CEP78: variants seen among roughly 807,000 people sequenced by gnomAD.
CEP78 encodes centrosomal protein of 78 kDa.
CEP78 carries 76 observed loss-of-function variants against 81.2 expected under a neutral mutation model. The observed-to-expected ratio is 0.94, with a 90% CI of 0.78 to 1.13. CEP78 has a LOEUF of 1.13. Ranked by LOEUF, CEP78 falls within the 50% of genes most tolerant of loss-of-function variation. CEP78 has a pLI of 0.00. For synonymous variants in CEP78, 293 were observed against 301.4 expected, an observed-to-expected ratio of 0.97 and a Z score of 0.29; for missense variants, 918 against 846.8, an observed-to-expected ratio of 1.08 and a Z score of -1.04.
At chr9:78,248,441 A>G in intron 7 of CEP78, 86 bp downstream of exon 7, 1 of 870,000 alleles carries the variant, frequency 1.1e-6, no homozygotes, top group Non-Finnish European at 1.9e-6. Context: ...GCCTGGCCTC[A>G]AACTTCTGAG....
intron 16 of CEP78, among the ~76,000 whole-genome samples, chr9:78,268,680 C>CTT (rs1221969870): frequency 0.036 from 4,637 of 130,420 alleles, 121 homozygotes; most frequent in Admixed American, 0.096. Flanking sequence ...GGTTTCTTTT[C>CTT]TTTTTTTTTT....
In CEP78 at chr9:78,236,477, C is replaced by T. The variant is rs536688125; in HGVS notation, c.127C>T (p.Leu43=). The T allele has an allele frequency of 1.2e-6, 2 of 1,607,304 alleles. No individual in the cohort carries two copies. Among genetic ancestry groups the T allele is most frequent in the African/African-American group, 2.7e-5 (2 of 74,960 alleles). Residue 43 remains leucine (L), a synonymous_variant, in exon 1 of 17, where the codon CTG becomes TTG. Transcript: ENST00000643273. ...AVRACLREGV[L]DFNADRLRGV... ...GCGCGCCTGTCTCCGGGAGGGCGTGCTGGATTTCAACGCCGACCGCCTCCG... is the reference window on the plus strand; with the variant it reads ...GCGCGCCTGTCTCCGGGAGGGCGTGTTGGATTTCAACGCCGACCGCCTCCG...
chr9:78,238,883 A>G (rs527291499), intron 1 of CEP78, among the ~76,000 whole-genome samples: 31 of 151,912 alleles, frequency 2.0e-4, no homozygotes, highest in Admixed American at 8.5e-4. Context: ...AGTAAAAAAT[A>G]TTAGCTGGGC....
intron 1 of CEP78, among the ~76,000 whole-genome samples, chr9:78,238,425 A>G (rs1191254012): frequency 6.6e-6 from 1 of 152,188 alleles, no homozygotes. Context: ...ATTTGAAGGC[A>G]TGGGAGGGAC....
chr9:78,266,175 A>G (rs538595760), intron 15 of CEP78, among the ~76,000 whole-genome samples: 2 of 152,204 alleles, frequency 1.3e-5, no homozygotes, highest in East Asian at 3.9e-4. Context: ...GAAAGATACT[A>G]ATTTTCTTAT....
Position 78,264,331 on chromosome 9 carries a change from C to G in CEP78, c.1625+15C>G. ...AAAGATGCTGGGTTAGTTACTTTCTCCCTATGACATTCGTCCCTCCATGAC... is the reference window on the plus strand; with the variant it reads ...AAAGATGCTGGGTTAGTTACTTTCTGCCTATGACATTCGTCCCTCCATGAC... On this transcript the variant is annotated intron_variant, in intron 13 of 16. Transcript: ENST00000643273. The G allele has an allele frequency of 6.2e-7, 1 of 1,610,542 alleles. No homozygotes were observed. Among genetic ancestry groups the G allele is most frequent in the Non-Finnish European group, 8.5e-7 (1 of 1,177,780 alleles).
intron 16 of CEP78, chr9:78,266,931 C>T: frequency 1.4e-6 from 2 of 1,425,432 alleles, no homozygotes; most frequent in South Asian, 3.2e-5. Context: ...TCCACTAGAA[C>T]ATTCTGAAAG....
At chr9:78,258,926 C>T (rs72743770) in intron 11 of CEP78, among the ~76,000 whole-genome samples, 5,334 of 152,180 alleles carry the variant, frequency 0.035, 223 homozygotes, top group Admixed American at 0.13. Flanking sequence ...AGTGAGCACA[C>T]CTACTTTGGA....
intron 6 of CEP78, among the ~76,000 whole-genome samples, chr9:78,247,112 C>A (rs1826527203): frequency 6.6e-6 from 1 of 152,216 alleles, no homozygotes; most frequent in Admixed American, 6.5e-5. Context: ...ATACTTCTAT[C>A]TGCTAGATAC....
chr9:78,247,755 A>C (rs1407257144), intron 6 of CEP78, among the ~76,000 whole-genome samples: 2 of 152,326 alleles, frequency 1.3e-5, no homozygotes, highest in Non-Finnish European at 2.9e-5. Context: ...GGCTTCACTT[A>C]GGGTGGAAGG....
At chr9:78,260,856 G>T (rs1037655814) in intron 11 of CEP78, among the ~76,000 whole-genome samples, 5 of 152,072 alleles carry the variant, frequency 3.3e-5, no homozygotes, top group Non-Finnish European at 5.9e-5. Flanking sequence ...CCAAATCCAT[G>T]CAGGCATGCT....
At chr9:78,262,425 C>T (rs1827316774) in intron 11 of CEP78, among the ~76,000 whole-genome samples, 1 of 152,232 alleles carries the variant, frequency 6.6e-6, no homozygotes, top group South Asian at 2.1e-4. Context: ...CCTCAACACT[C>T]TGGAGGAATT....
chr9:78,254,975 A>G lies in CEP78; in HGVS notation c.1380+11A>G, dbSNP rs751472187. The G allele has an allele frequency of 1.2e-6, 2 of 1,601,652 alleles. No homozygotes were observed. The highest frequency in any genetic ancestry group is 1.7e-6 in the Non-Finnish European group (2 of 1,172,924). ...CAAGAAGCATTACAGGTACAAAGCT[A>G]TCACTTTAAAGATATGGAGAAGATC... On this transcript the variant is annotated intron_variant, in intron 11 of 16. Coordinates refer to ENST00000643273, the MANE Select transcript of CEP78 (RefSeq NM_001330691.3).
intron 11 of CEP78, among the ~76,000 whole-genome samples, chr9:78,260,527 G>A (rs1827225432): frequency 6.6e-6 from 1 of 151,960 alleles, no homozygotes; most frequent in Admixed American, 6.6e-5. Flanking sequence ...CTAACATGGT[G>A]AAACCCTGTC....
rs1827564244 is a variant in CEP78 at position 78,266,815 on chromosome 9, T to C, written c.2107+112T>C. 40 of 1,495,352 alleles carry C rather than the reference T, an allele frequency of 2.7e-5. No individual in the cohort carries two copies. In the South Asian group the frequency reaches 3.9e-4, roughly 15 times the overall value. 92.6% of individuals were successfully genotyped at this position (1,495,352 alleles called of 1,614,324 possible). On this transcript the variant is annotated intron_variant, in intron 16 of 16. Coordinates refer to ENST00000643273, the MANE Select transcript of CEP78 (RefSeq NM_001330691.3). Reference sequence around the variant, plus strand: ...AAAGAAACTAGGGAAACTAGTTCTTTGGTTAATGAACCAATTAAAAGTAGG... The same window carrying C: ...AAAGAAACTAGGGAAACTAGTTCTTCGGTTAATGAACCAATTAAAAGTAGG...
intron 11 of CEP78, among the ~76,000 whole-genome samples, chr9:78,261,025 A>C (rs551903535): frequency 6.6e-6 from 1 of 152,146 alleles, no homozygotes; most frequent in African/African-American, 2.4e-5. Context: ...ATCTCAGCTC[A>C]CTGCAACCTC....
At chr9:78,242,371 G>A (rs1826276356) in intron 4 of CEP78, among the ~76,000 whole-genome samples, 3 of 152,152 alleles carry the variant, frequency 2.0e-5, no homozygotes, top group Admixed American at 6.5e-5. Context: ...CCCACTCTCC[G>A]TGGGATAGAT....
rs1827442482 is a variant in CEP78 at position 78,264,832 on chromosome 9, A to G, written c.1625+516A>G. Among the ~76,000 whole-genome samples, 3 of 152,192 alleles carry G rather than the reference A, an allele frequency of 2.0e-5. No homozygotes were observed. In the South Asian group the frequency reaches 6.2e-4, roughly 32 times the overall value. On this transcript the variant is annotated intron_variant, in intron 13 of 16. Transcript: ENST00000643273. ...TTAAGTTTGAGATATTAAAATTGTT[A>G]TTAATCTGCAGGGTAGATATAGATA...
In CEP78 at chr9:78,240,282, C is replaced by T; in HGVS notation, c.427-10C>T. The T allele has an allele frequency of 1.9e-6, 3 of 1,606,170 alleles. No individual in the cohort carries two copies. The highest frequency in any genetic ancestry group is 2.6e-6 in the Non-Finnish European group (3 of 1,175,614). ...TCAATAACATTTTTAACTTTTCCCCCTCATTAAAGGGATTGAATAAATCGG... is the reference window on the plus strand; with the variant it reads ...TCAATAACATTTTTAACTTTTCCCCTTCATTAAAGGGATTGAATAAATCGG... On this transcript the variant is annotated splice_polypyrimidine_tract_variant and intron_variant, in intron 2 of 16. Transcript: ENST00000643273.
Sources: gnomAD v4.1 joint callset for allele counts (sites outside exome capture counted in the v4.1 genomes callset) on GRCh38, gnomAD v4.1.1 for gene constraint, MANE v1.5 for transcripts, NCBI Gene and HGNC (gene_info 2026-07-23, HGNC 2026-07-21) for gene names.